CRLF3: variants seen among roughly 807,000 people sequenced by gnomAD.
CRLF3 encodes the protein cytokine receptor-like factor 3.
CRLF3 carries 33 observed loss-of-function variants against 55.0 expected under a neutral mutation model. The ratio of observed to expected loss-of-function variants is 0.60; its 90% CI spans 0.46 to 0.80. The LOEUF (loss-of-function observed/expected upper bound fraction) is 0.80. Among genes scored for constraint, CRLF3 ranks in the 30% least tolerant of loss-of-function variants. The pLI is 0.00. For synonymous variants in CRLF3, 238 were observed against 196.8 expected (o/e 1.21, Z -1.75); for missense variants, 494 against 538.4 (o/e 0.92, Z 0.82).
intron 1 of CRLF3, among the ~76,000 whole-genome samples, chr17:30,808,626 T>C (rs1904506427): frequency 6.8e-6 from 1 of 147,904 alleles, no homozygotes; most frequent in African/African-American, 2.5e-5. Flanking sequence ...TGAGTCTTGC[T>C]CTGTCGCCCA....
chr17:30,792,389 G>A (rs900159371), intron 6 of CRLF3, 51 bp downstream of exon 6: 1 of 1,545,452 alleles, frequency 6.5e-7, no homozygotes, highest in Admixed American at 1.7e-5. Flanking sequence ...TATGCTCTAT[G>A]CACTTCACTC....
intron 1 of CRLF3, among the ~76,000 whole-genome samples, chr17:30,821,019 C>A: frequency 6.6e-6 from 1 of 151,198 alleles, no homozygotes; most frequent in African/African-American, 2.4e-5. Flanking sequence ...CATGCCACTG[C>A]ACTCCAGCTT....
At chr17:30,785,790 A>G (rs1567656414) in intron 7 of CRLF3, 129 bp downstream of exon 7, 1 of 582,488 alleles carries the variant, frequency 1.7e-6, no homozygotes, top group African/African-American at 1.9e-5. Context: ...ATAAAAAAAA[A>G]AAAAAAGAAA....
intron 2 of CRLF3, among the ~76,000 whole-genome samples, chr17:30,802,269 T>C (rs1402275446): frequency 1.3e-5 from 2 of 151,656 alleles, no homozygotes; most frequent in Non-Finnish European, 2.9e-5. Flanking sequence ...ACTACAGGCA[T>C]GCGCTGCCAC....
intron 1 of CRLF3, among the ~76,000 whole-genome samples, chr17:30,821,273 G>A (rs1164408409): frequency 6.6e-6 from 1 of 150,402 alleles, no homozygotes; most frequent in African/African-American, 2.5e-5. Context: ...CTGAGAGGCA[G>A]AGCTTGCAGT....
intron 1 of CRLF3, among the ~76,000 whole-genome samples, chr17:30,822,153 CCT>C (rs1250505111): frequency 1.3e-5 from 2 of 151,944 alleles, no homozygotes; most frequent in African/African-American, 4.8e-5. Context: ...GGCATCCCTT[CCT>C]CTCTGCTCTT....
intron 7 of CRLF3, 129 bp downstream of exon 7, chr17:30,785,781 TAAAAAAAAA>T (rs55664579): frequency 1.5e-4 from 64 of 427,730 alleles, no homozygotes; most frequent in Middle Eastern, 1.2e-3. Context: ...GACTTCATAA[TAAAAAAAAA>T]AAAAAAGAAA....
intron 1 of CRLF3, 67 bp downstream of exon 1, chr17:30,824,456 C>T (rs896745808): frequency 1.8e-5 from 27 of 1,490,746 alleles, no homozygotes; most frequent in Non-Finnish European, 2.3e-5. Context: ...CAAAGCCCTC[C>T]CAGCCTTCGC....
chr17:30,784,702 T>A (rs942258100), intron 7 of CRLF3: 4 of 363,422 alleles, frequency 1.1e-5, no homozygotes, highest in African/African-American at 8.4e-5. Flanking sequence ...AGACTATTTC[T>A]TATGGAATAA....
chr17:30,798,538 A>G (rs528760136), intron 2 of CRLF3, among the ~76,000 whole-genome samples: 4 of 152,200 alleles, frequency 2.6e-5, no homozygotes, highest in Admixed American at 2.6e-4. Flanking sequence ...CTCCTTCACC[A>G]AAAGAAAAAC....
chr17:30,810,939 A>T (rs1238780489), intron 1 of CRLF3, among the ~76,000 whole-genome samples: 2 of 150,510 alleles, frequency 1.3e-5, no homozygotes, highest in Non-Finnish European at 3.0e-5. Flanking sequence ...AAATACAAAA[A>T]ATCAGCTGTG....
intron 4 of CRLF3, among the ~76,000 whole-genome samples, chr17:30,795,869 C>T (rs1309904402): frequency 2.6e-5 from 4 of 151,860 alleles, no homozygotes; most frequent in Admixed American, 6.6e-5. Context: ...CCGGGGGAAG[C>T]GGCAGGCGGG....
intron 1 of CRLF3, among the ~76,000 whole-genome samples, chr17:30,820,322 T>C (rs762391416): frequency 3.3e-5 from 5 of 152,226 alleles, no homozygotes; most frequent in Non-Finnish European, 5.9e-5. Context: ...TCCTTCTAAA[T>C]GTTCATACAA....
At chr17:30,808,378 C>T (rs1904493178) in intron 1 of CRLF3, among the ~76,000 whole-genome samples, 2 of 150,596 alleles carry the variant, frequency 1.3e-5, no homozygotes, top group Admixed American at 6.7e-5. Context: ...ACCTCCACCT[C>T]CCGGGTTCAA....
chr17:30,815,687 GC>G (rs906616474), intron 1 of CRLF3, among the ~76,000 whole-genome samples: 17 of 147,390 alleles, frequency 1.2e-4, no homozygotes, highest in Admixed American at 3.4e-4. Flanking sequence ...GGCATTACAG[GC>G]GCACCACCAC....
At chr17:30,796,037 A>G in intron 4 of CRLF3, 123 bp downstream of exon 4, 1 of 559,826 alleles carries the variant, frequency 1.8e-6, no homozygotes, top group Non-Finnish European at 3.0e-6. Context: ...ACTGTAAAGT[A>G]AAAGAGATTT....
In CRLF3 at chr17:30,792,571, C is replaced by CTCTT. The variant is rs1971828384; in HGVS notation, c.827-3_827dup (p.Trp277ArgfsTer7). On this transcript the variant is annotated frameshift_variant and splice_region_variant, in exon 6 of 8. Transcript: ENST00000324238. LOFTEE classifies it high-confidence loss of function. ...TGTACCCCTCAAAACCAGCTGTCCA[C>CTCTT]TCTTTTTCAAAGCAAAGATATTGAA... 6.3e-7 allele frequency: 1 copy of CTCTT among 1,592,630 alleles called. No homozygotes were observed. Among genetic ancestry groups the CTCTT allele is most frequent in the Non-Finnish European group, 8.6e-7 (1 of 1,162,410 alleles).
At chr17:30,785,052 C>A (rs8068504) in intron 7 of CRLF3, 61,489 of 149,078 alleles carry the variant, frequency 0.41, 15,273 homozygotes, top group African/African-American at 0.72. Flanking sequence ...CCAGCCAACA[C>A]CACAAAATAT....
In CRLF3 at chr17:30,788,599, CTTTTTTTTTTT is replaced by C. The variant is rs1159336036; in HGVS notation, c.960-2579_960-2569del. 2.2e-3 allele frequency among the ~76,000 whole-genome samples: 174 copies of C among 80,038 alleles called. 2 individuals are homozygous for C. Among genetic ancestry groups the C allele is most frequent in the Middle Eastern group, 0.016 (2 of 128 alleles). The allele number at this position is 80,038 out of a possible 152,430, so 52.5% of individuals were successfully genotyped here. ...GGGATAAATAACAAAGTAGTGCCTT[CTTTTTTTTTTT>C]TTTTTTTTTTTTTTTGAGACAGCAT... On this transcript the variant is annotated intron_variant, in intron 6 of 7. Transcript: ENST00000324238.
Sources: gnomAD v4.1 joint callset for allele counts (sites outside exome capture counted in the v4.1 genomes callset) on GRCh38, gnomAD v4.1.1 for gene constraint, MANE v1.5 for transcripts, NCBI Gene and HGNC (gene_info 2026-07-23, HGNC 2026-07-21) for gene names.